MCUB: variants seen among roughly 807,000 people sequenced by gnomAD.
The protein encoded by MCUB is mitochondrial calcium uniporter dominant negative subunit beta, also known as calcium uniporter regulatory subunit MCUb, mitochondrial.
A neutral mutation model predicts 41.4 loss-of-function variants in MCUB; 46 were observed. That is an observed-to-expected ratio of 1.11 (90% confidence interval 0.88 to 1.42). The LOEUF (loss-of-function observed/expected upper bound fraction) is 1.42. Among genes scored for constraint, MCUB ranks in the 40% most tolerant of loss-of-function variants. The probability of loss-of-function intolerance (pLI) is 0.00; values close to 1 mark genes in which losing one functional copy is unlikely to be tolerated. For synonymous variants in MCUB, 148 were observed against 148.2 expected, an observed-to-expected ratio of 1.00 and a Z score of 0.01; for missense variants, 403 against 404.9, an observed-to-expected ratio of 1.00 and a Z score of 0.04.
chr4:109,637,406 C>T (rs1014671068), intron 1 of MCUB, among the ~76,000 whole-genome samples: 7 of 152,142 alleles, frequency 4.6e-5, no homozygotes, highest in Non-Finnish European at 7.4e-5. Context: ...AGTATCTACC[C>T]AGGGGAAAAG....
At chr4:109,590,474 TA>T (rs1292808023) in intron 1 of MCUB, among the ~76,000 whole-genome samples, 2 of 152,240 alleles carry the variant, frequency 1.3e-5, no homozygotes, top group Non-Finnish European at 1.5e-5. Context: ...AAAGCCCATG[TA>T]AAAGGAGTTA....
chr4:109,639,393 T>G (rs1304737349), intron 1 of MCUB, among the ~76,000 whole-genome samples: 1 of 151,890 alleles, frequency 6.6e-6, no homozygotes. Context: ...AACAGTGGGC[T>G]TAAAATAGTA....
chr4:109,651,654 T>TA (rs948880565), intron 1 of MCUB, among the ~76,000 whole-genome samples: 2 of 152,222 alleles, frequency 1.3e-5, no homozygotes, highest in African/African-American at 4.8e-5. Flanking sequence ...TTTACATTAT[T>TA]ACACATTAAA....
chr4:109,627,838 G>A (rs1162894026), intron 1 of MCUB, among the ~76,000 whole-genome samples: 1 of 151,738 alleles, frequency 6.6e-6, no homozygotes, highest in Non-Finnish European at 1.5e-5. Context: ...AATTGAACCT[G>A]GGAGGTGGAG....
At chr4:109,596,868 A>G (rs1364703803) in intron 1 of MCUB, among the ~76,000 whole-genome samples, 6 of 151,508 alleles carry the variant, frequency 4.0e-5, no homozygotes, top group Non-Finnish European at 8.8e-5. Flanking sequence ...TCCTAGGCAG[A>G]GGACCCTGCG....
chr4:109,678,205 A>G (rs1729616250), intron 4 of MCUB, among the ~76,000 whole-genome samples: 1 of 152,034 alleles, frequency 6.6e-6, no homozygotes, highest in African/African-American at 2.4e-5. Flanking sequence ...GGAGTCTCCT[A>G]TGTCTACTTC....
chr4:109,656,654 A>G (rs1057366845), intron 1 of MCUB, among the ~76,000 whole-genome samples: 28 of 152,162 alleles, frequency 1.8e-4, no homozygotes, highest in Admixed American at 4.6e-4. Flanking sequence ...TATAGGCAGG[A>G]GCCATCACGC....
chr4:109,615,415 T>C (rs544156137), intron 1 of MCUB, among the ~76,000 whole-genome samples: 1 of 151,866 alleles, frequency 6.6e-6, no homozygotes, highest in African/African-American at 2.4e-5. Context: ...ATTTTTTTTT[T>C]TTTTTTTTGA....
chr4:109,663,169 T>C (rs1421007068), intron 3 of MCUB, among the ~76,000 whole-genome samples: 1 of 152,226 alleles, frequency 6.6e-6, no homozygotes, highest in African/African-American at 2.4e-5. Context: ...ACCAAATGAA[T>C]GTCAGGCCGG....
chr4:109,610,061 A>G (rs922642415), intron 1 of MCUB, among the ~76,000 whole-genome samples: 5 of 152,226 alleles, frequency 3.3e-5, no homozygotes, highest in South Asian at 2.1e-4. Context: ...CTGCCACCAT[A>G]GGCCCATGGG....
intron 1 of MCUB, among the ~76,000 whole-genome samples, chr4:109,590,629 GT>G (rs1727414688): frequency 6.6e-6 from 1 of 152,118 alleles, no homozygotes; most frequent in South Asian, 2.1e-4. Flanking sequence ...CTGTTAGCTG[GT>G]AAGTTTTACT....
At chr4:109,629,718 CAT>C (rs1352287225) in intron 1 of MCUB, among the ~76,000 whole-genome samples, 3 of 152,178 alleles carry the variant, frequency 2.0e-5, no homozygotes, top group Admixed American at 6.5e-5. Context: ...TAGGGCAAAA[CAT>C]GTGGGAAGGG....
intron 1 of MCUB, chr4:109,648,724 CA>C (rs59279944): frequency 0.024 from 5,744 of 235,368 alleles, 4 homozygotes; most frequent in East Asian, 0.037. Flanking sequence ...TACAGAGAAG[CA>C]AAAAAAAAAA....
chr4:109,642,079 T>C (rs1728727113), intron 1 of MCUB, among the ~76,000 whole-genome samples: 1 of 152,246 alleles, frequency 6.6e-6, no homozygotes, highest in Non-Finnish European at 1.5e-5. Flanking sequence ...CACAAAATAC[T>C]GTGACTGCAT....
At chr4:109,580,951 T>A (rs937109245) in intron 1 of MCUB, among the ~76,000 whole-genome samples, 1 of 152,140 alleles carries the variant, frequency 6.6e-6, no homozygotes, top group Non-Finnish European at 1.5e-5. Context: ...ATGGCCATAC[T>A]GCCCAAGGTA....
At chr4:109,627,828 A>G (rs1017802734) in intron 1 of MCUB, among the ~76,000 whole-genome samples, 1 of 151,890 alleles carries the variant, frequency 6.6e-6, no homozygotes, top group African/African-American at 2.4e-5. Context: ...CAGGAGAATC[A>G]ATTGAACCTG....
chr4:109,670,202 G>T (rs931073631), intron 4 of MCUB, among the ~76,000 whole-genome samples: 7 of 152,194 alleles, frequency 4.6e-5, no homozygotes, highest in Admixed American at 3.9e-4. Context: ...TGATTAAGGG[G>T]ACTAGGTCTC....
chr4:109,575,298 CTATT>C (rs1579045366), intron 1 of MCUB, among the ~76,000 whole-genome samples: 1 of 152,168 alleles, frequency 6.6e-6, no homozygotes, highest in Admixed American at 6.5e-5. Flanking sequence ...AGTGTAATAA[CTATT>C]TAGTGAGAGT....
Position 109,682,773 on chromosome 4 carries a change from A to T in MCUB, c.612+31A>T, listed in dbSNP as rs778602782. The T allele has an allele frequency of 2.1e-5, 32 of 1,548,180 alleles. No individual in the cohort carries two copies. The South Asian group carries it at 3.8e-4, about 18-fold the overall frequency. ...GAAGCATCACGGTTGAGTATATTTG[A>T]AAATAATACCTAGTGTTTATTGAGT... On this transcript the variant is annotated intron_variant, in intron 5 of 7. Coordinates refer to ENST00000394650, the MANE Select transcript of MCUB (RefSeq NM_017918.5).
Sources: allele counts gnomAD v4.1 joint callset (sites outside exome capture counted in the v4.1 genomes callset), GRCh38; gene constraint gnomAD v4.1.1; transcripts MANE v1.5; gene names NCBI Gene and HGNC (gene_info 2026-07-23, HGNC 2026-07-21).